The following ANO10 variants were observed in gnomAD, a reference collection of about 807,000 sequenced individuals.
The protein encoded by ANO10 is anoctamin 10.
ANO10 carries 77 observed loss-of-function variants against 74.7 expected under a neutral mutation model. That is an observed-to-expected ratio of 1.03 (90% CI 0.86 to 1.25). ANO10 has a LOEUF of 1.25. Ranked by LOEUF, ANO10 falls within the 50% of genes most tolerant of loss-of-function variation. The pLI is 0.00. For missense variants in ANO10, 721 were observed against 778.1 expected, an observed-to-expected ratio of 0.93 and a Z score of 0.87; for synonymous variants, 279 against 284.9, an observed-to-expected ratio of 0.98 and a Z score of 0.21.
At chr3:43,488,050 C>T (rs1390136802) in intron 11 of ANO10, among the ~76,000 whole-genome samples, 2 of 152,078 alleles carry the variant, frequency 1.3e-5, no homozygotes, top group South Asian at 4.2e-4. Context: ...AAAAACCTGA[C>T]AAAAACAAGC....
At chr3:43,592,903 A>G (rs2081869157) in intron 4 of ANO10, among the ~76,000 whole-genome samples, 1 of 152,344 alleles carries the variant, frequency 6.6e-6, no homozygotes, top group East Asian at 1.9e-4. Flanking sequence ...CATAGAGAAG[A>G]GAAGACCTTA....
At chr3:43,684,803 C>T (rs1382928162) in intron 1 of ANO10, among the ~76,000 whole-genome samples, 2 of 151,996 alleles carry the variant, frequency 1.3e-5, no homozygotes, top group Non-Finnish European at 2.9e-5. Flanking sequence ...AAGCTGGAAA[C>T]CATCATTCTC....
At chr3:43,376,353 C>T (rs2091807207) in intron 12 of ANO10, among the ~76,000 whole-genome samples, 1 of 152,086 alleles carries the variant, frequency 6.6e-6, no homozygotes. Flanking sequence ...TGGGGGTGTC[C>T]TGGGGACATC....
At chr3:43,395,771 CAA>C (rs35046151) in intron 12 of ANO10, among the ~76,000 whole-genome samples, 3 of 138,614 alleles carry the variant, frequency 2.2e-5, no homozygotes, top group Admixed American at 7.1e-5. Flanking sequence ...TCAACTTCTA[CAA>C]AAAAAAAAAA....
intron 1 of ANO10, among the ~76,000 whole-genome samples, chr3:43,662,473 A>G (rs1195519760): frequency 6.6e-6 from 1 of 152,172 alleles, no homozygotes; most frequent in Admixed American, 6.5e-5. Context: ...ATCTAAAATC[A>G]ACACCCTAAC....
intron 11 of ANO10, among the ~76,000 whole-genome samples, chr3:43,456,680 A>C (rs1385126825): frequency 1.3e-5 from 2 of 152,238 alleles, no homozygotes; most frequent in Admixed American, 1.3e-4. Context: ...AATAAGTGAA[A>C]GGTGGAAGGG....
At chr3:43,503,182 T>C (rs2077162370) in intron 11 of ANO10, among the ~76,000 whole-genome samples, 1 of 152,190 alleles carries the variant, frequency 6.6e-6, no homozygotes, top group South Asian at 2.1e-4. Flanking sequence ...GATCCAGTCA[T>C]TGGTTAGAGA....
chr3:43,515,147 G>A (rs1206176997), intron 11 of ANO10, among the ~76,000 whole-genome samples: 1 of 152,180 alleles, frequency 6.6e-6, no homozygotes, highest in East Asian at 1.9e-4. Context: ...AAATGTGATG[G>A]TTAATTTTAC....
intron 1 of ANO10, among the ~76,000 whole-genome samples, chr3:43,689,139 A>G (rs946201253): frequency 2.0e-5 from 3 of 152,036 alleles, no homozygotes; most frequent in Admixed American, 6.6e-5. Flanking sequence ...TGAGAAATTC[A>G]CCCCCAGAAT....
At chr3:43,503,032 T>A (rs1463874652) in intron 11 of ANO10, among the ~76,000 whole-genome samples, 1 of 152,204 alleles carries the variant, frequency 6.6e-6, no homozygotes. Context: ...ACATTATAAA[T>A]GTATTTAATA....
At chr3:43,459,781 C>T (rs2075300117) in intron 11 of ANO10, among the ~76,000 whole-genome samples, 1 of 152,138 alleles carries the variant, frequency 6.6e-6, no homozygotes, top group South Asian at 2.1e-4. Flanking sequence ...GACTGAGCTC[C>T]AGGCTGGTGG....
intron 1 of ANO10, among the ~76,000 whole-genome samples, chr3:43,611,022 G>A (rs982787397): frequency 6.6e-6 from 1 of 152,104 alleles, no homozygotes; most frequent in African/African-American, 2.4e-5. Context: ...CTTGGTTCCT[G>A]TGGCAGAAAT....
intron 11 of ANO10, among the ~76,000 whole-genome samples, chr3:43,523,348 C>T (rs1249289225): frequency 6.6e-6 from 1 of 152,120 alleles, no homozygotes; most frequent in Admixed American, 6.6e-5. Context: ...AAAATCTGGG[C>T]TTTAATCCTG....
chr3:43,427,224 G>A (rs1297837735), intron 12 of ANO10, among the ~76,000 whole-genome samples: 3 of 152,144 alleles, frequency 2.0e-5, no homozygotes, highest in African/African-American at 7.2e-5. Context: ...CCTCAAACTT[G>A]CTTGTTCTTG....
chr3:43,635,366 G>A (rs575857372), intron 1 of ANO10, among the ~76,000 whole-genome samples: 25 of 152,236 alleles, frequency 1.6e-4, no homozygotes, highest in East Asian at 5.8e-4. Flanking sequence ...TCAAGTCCTC[G>A]TTCATGTATC....
chr3:43,448,723 G>C (rs991188440), intron 11 of ANO10, among the ~76,000 whole-genome samples: 2 of 152,164 alleles, frequency 1.3e-5, no homozygotes, highest in African/African-American at 4.8e-5. Flanking sequence ...GAGCATGGCT[G>C]CTAAATCATA....
At chr3:43,553,397 G>A (rs1005953528) in intron 10 of ANO10, among the ~76,000 whole-genome samples, 1 of 151,892 alleles carries the variant, frequency 6.6e-6, no homozygotes, top group Non-Finnish European at 1.5e-5. Flanking sequence ...AGTACTTTTT[G>A]GGCCCCTCCC....
intron 11 of ANO10, among the ~76,000 whole-genome samples, chr3:43,443,270 AG>A (rs2093188301): frequency 6.6e-6 from 1 of 152,258 alleles, no homozygotes; most frequent in Non-Finnish European, 1.5e-5. Flanking sequence ...AAAGATGTAC[AG>A]CAAACCCTTG....
chr3:43,380,425 G>A (rs1238870161), intron 12 of ANO10, among the ~76,000 whole-genome samples: 3 of 152,138 alleles, frequency 2.0e-5, no homozygotes, highest in African/African-American at 7.2e-5. Context: ...CTTAAGAGCT[G>A]GGAGGCAAAT....
Sources: gnomAD v4.1 joint callset for allele counts (sites outside exome capture counted in the v4.1 genomes callset) on GRCh38, gnomAD v4.1.1 for gene constraint, MANE v1.5 for transcripts, NCBI Gene and HGNC (gene_info 2026-07-23, HGNC 2026-07-21) for gene names.